The following WWOX variants were observed in gnomAD, a reference collection of about 807,000 sequenced individuals.
WWOX encodes WW domain-containing oxidoreductase.
Under a neutral mutation model 46.2 loss-of-function variants are expected in WWOX, and 69 were observed. The observed-to-expected ratio is 1.49, with a 90% confidence interval of 1.23 to 1.82. The LOEUF is 1.82. Among genes scored for constraint, WWOX ranks in the 40% most tolerant of loss-of-function variants. WWOX has a pLI of 0.00. For synonymous variants in WWOX, 359 were observed against 202.6 expected (o/e 1.77, Z -6.56); for missense variants, 919 against 542.6 (o/e 1.69, Z -6.89).
intron 8 of WWOX, among the ~76,000 whole-genome samples, chr16:79,140,096 T>C (rs982116750): frequency 1.3e-5 from 2 of 152,228 alleles, no homozygotes; most frequent in African/African-American, 4.8e-5. Context: ...CTCAATGCTG[T>C]TGAGAACATT....
intron 4 of WWOX, among the ~76,000 whole-genome samples, chr16:78,140,196 GA>G (rs2033937920): frequency 6.6e-6 from 1 of 152,182 alleles, no homozygotes; most frequent in African/African-American, 2.4e-5. Context: ...GTGAGAATTT[GA>G]AGGGGTGCAT....
chr16:78,611,733 A>G (rs1257645286), intron 8 of WWOX, among the ~76,000 whole-genome samples: 1 of 152,236 alleles, frequency 6.6e-6, no homozygotes, highest in Non-Finnish European at 1.5e-5. Context: ...CTTATGGTGC[A>G]TGTCGCTGAT....
chr16:78,939,795 T>C (rs2045815705), intron 8 of WWOX, among the ~76,000 whole-genome samples: 1 of 152,198 alleles, frequency 6.6e-6, no homozygotes, highest in Non-Finnish European at 1.5e-5. Context: ...CACTTCCCCT[T>C]TTAGCCTGCC....
rs575045643 is a variant in WWOX, at chr16:78,234,195, G to T, written c.516+69906G>T. Among the ~76,000 whole-genome samples, 96 of 151,824 alleles carry T rather than the reference G, an allele frequency of 6.3e-4. 1 individual carries two copies. The highest frequency in any genetic ancestry group is 2.3e-3 in the African/African-American group (94 of 41,390). On this transcript the variant is annotated intron_variant, in intron 5 of 8. Coordinates refer to ENST00000566780, the MANE Select transcript of WWOX (RefSeq NM_016373.4). ...CTATTCCATCTTTAAAAACCTTTGTGAATGTTAATATACAGCCTTTATAAA... is the reference window on the plus strand; with the variant it reads ...CTATTCCATCTTTAAAAACCTTTGTTAATGTTAATATACAGCCTTTATAAA...
At chr16:78,627,834 G>A (rs780754786) in intron 8 of WWOX, among the ~76,000 whole-genome samples, 6 of 152,208 alleles carry the variant, frequency 3.9e-5, no homozygotes, top group African/African-American at 1.4e-4. Context: ...AGATGATGCC[G>A]ACTTAGACAG....
chr16:78,477,839 T>A (rs1251378185), intron 8 of WWOX, among the ~76,000 whole-genome samples: 1 of 152,174 alleles, frequency 6.6e-6, no homozygotes, highest in East Asian at 1.9e-4. Flanking sequence ...AAAATCTGAT[T>A]CTTTTACTAT....
chr16:79,023,562 C>T (rs988715011), intron 8 of WWOX, among the ~76,000 whole-genome samples: 7 of 152,228 alleles, frequency 4.6e-5, no homozygotes, highest in Middle Eastern at 3.4e-3. Flanking sequence ...GACCATCCAC[C>T]ACAGGCAAAC....
chr16:78,463,355 A>C (rs1338711115), intron 8 of WWOX, among the ~76,000 whole-genome samples: 2 of 152,198 alleles, frequency 1.3e-5, no homozygotes, highest in Non-Finnish European at 2.9e-5. Flanking sequence ...CAGGCTGGTT[A>C]AAAAGGATAA....
intron 8 of WWOX, among the ~76,000 whole-genome samples, chr16:78,768,944 C>G (rs2049993640): frequency 6.6e-6 from 1 of 152,038 alleles, no homozygotes; most frequent in South Asian, 2.1e-4. Flanking sequence ...GGTTTCCATT[C>G]TGTTTTGAGC....
At chr16:78,748,697 G>T (rs2049406875) in intron 8 of WWOX, among the ~76,000 whole-genome samples, 3 of 152,202 alleles carry the variant, frequency 2.0e-5, no homozygotes, top group Non-Finnish European at 4.4e-5. Context: ...TGCTGTCAGG[G>T]CCCGTGGCAA....
chr16:78,156,897 C>G (rs1221302210), intron 4 of WWOX, among the ~76,000 whole-genome samples: 1 of 152,166 alleles, frequency 6.6e-6, no homozygotes, highest in Admixed American at 6.5e-5. Context: ...CACCGCTGCA[C>G]TCCAGCCCGG....
intron 8 of WWOX, among the ~76,000 whole-genome samples, chr16:78,702,100 T>TTTTATATATATATATATATATATA (rs1491267639): frequency 1.2e-5 from 1 of 81,262 alleles, no homozygotes; most frequent in African/African-American, 6.8e-5. Context: ...ATCTATAAAG[T>TTTTATATATATATATATATATATA]TATATATATA....
At chr16:78,487,764 C>G (rs2084675594) in intron 8 of WWOX, among the ~76,000 whole-genome samples, 1 of 152,090 alleles carries the variant, frequency 6.6e-6, no homozygotes, top group Non-Finnish European at 1.5e-5. Flanking sequence ...TGGTTGGAAA[C>G]TAGTGTTCCA....
In WWOX at chr16:78,628,732, G is replaced by C. The variant is rs1237262804; in HGVS notation, c.1056+195980G>C. Among the ~76,000 whole-genome samples the C allele has an allele frequency of 2.6e-5, 4 of 152,116 alleles. No homozygotes were observed. The South Asian group carries it at 6.2e-4, about 24-fold the overall frequency. On this transcript the variant is annotated intron_variant, in intron 8 of 8. Transcript: ENST00000566780. ...GGAATTTCACTGTTTTAAATTCAGG[G>C]TTAATTTCTTGCTTTCAAATGAATT...
chr16:78,575,929 A>G (rs2044868141), intron 8 of WWOX, among the ~76,000 whole-genome samples: 1 of 150,844 alleles, frequency 6.6e-6, no homozygotes, highest in South Asian at 2.1e-4. Flanking sequence ...GCTATATTAA[A>G]AGAGAGATTA....
intron 8 of WWOX, among the ~76,000 whole-genome samples, chr16:78,859,214 A>C (rs1040386873): frequency 3.3e-5 from 5 of 151,584 alleles, no homozygotes; most frequent in Admixed American, 2.0e-4. Flanking sequence ...AATGAGTTCA[A>C]CTGATTTCAA....
At chr16:79,181,674 T>C (rs1364534298) in intron 8 of WWOX, among the ~76,000 whole-genome samples, 4 of 152,192 alleles carry the variant, frequency 2.6e-5, no homozygotes, top group African/African-American at 9.7e-5. Context: ...TGATAAATAA[T>C]GCTGAGATGA....
intron 8 of WWOX, among the ~76,000 whole-genome samples, chr16:78,860,223 A>G (rs1040449352): frequency 1.3e-5 from 2 of 152,350 alleles, no homozygotes; most frequent in African/African-American, 4.8e-5. Context: ...GCTATTATTT[A>G]TACTATTTGT....
intron 8 of WWOX, among the ~76,000 whole-genome samples, chr16:79,047,672 A>ACTTTTTTTTTTTTTT (rs529812201): frequency 3.7e-5 from 2 of 53,522 alleles, no homozygotes; most frequent in African/African-American, 1.5e-4. Flanking sequence ...GACTGTCCTG[A>ACTTTTTTTTTTTTTT]TTTTTTTTTT....
Sources: allele counts gnomAD v4.1 joint callset (sites outside exome capture counted in the v4.1 genomes callset), GRCh38; gene constraint gnomAD v4.1.1; transcripts MANE v1.5; gene names NCBI Gene and HGNC (gene_info 2026-07-23, HGNC 2026-07-21).